Variants in C2orf80 observed in about 807,000 individuals in gnomAD.
C2orf80 encodes chromosome 2 open reading frame 80.
A neutral mutation model predicts 30.2 loss-of-function variants in C2orf80; 28 were observed. The observed-to-expected ratio is 0.93, with a 90% CI of 0.69 to 1.27. The LOEUF is 1.27. C2orf80 is among the 50% of genes most tolerant of loss of function. The probability of loss-of-function intolerance (pLI) is 0.00; values close to 1 mark genes in which losing one functional copy is unlikely to be tolerated. For missense variants in C2orf80, 220 were observed against 231.0 expected (o/e 0.95, Z 0.31); for synonymous variants, 80 against 76.4 (o/e 1.05, Z -0.24).
chr2:208,181,239 T>C lies in C2orf80; in HGVS notation c.273A>G (p.Ser91=), dbSNP rs1559343171. ...NRREREAMIL[S]SYAGILMNSI... is the part of the protein sequence containing the mutation. ...TTACCATTAAGATTCCAGCATAAGA[T>C]GATAAAATCATAGCTTCTCGTTCTC... Residue 91 remains serine (S), a synonymous_variant, in exon 5 of 9, where the codon TCA becomes TCG. Transcript: ENST00000341287. 1 of 1,608,952 alleles carries C rather than the reference T, an allele frequency of 6.2e-7. No homozygotes were observed. The highest frequency in any genetic ancestry group is 8.5e-7 in the Non-Finnish European group (1 of 1,175,470).
In C2orf80 at chr2:208,165,597, A is replaced by T. The variant is rs1304752720; in HGVS notation, c.*210T>A. On this transcript the variant is annotated 3_prime_UTR_variant, in exon 9 of 9. Transcript: ENST00000341287. ...TCTTCCAGTCACAATGAAGTAGCAT[A>T]AGGTCACAGTTTTTTTTTTTAAGAA... 2 of 512,460 alleles carry T rather than the reference A, an allele frequency of 3.9e-6. No homozygotes were observed. The highest frequency in any genetic ancestry group is 3.2e-5 in the East Asian group (1 of 31,568). 31.7% of individuals were successfully genotyped at this position (512,460 alleles called of 1,614,324 possible).
At chr2:208,174,823 T>C (rs558385987) in intron 6 of C2orf80, among the ~76,000 whole-genome samples, 1 of 152,352 alleles carries the variant, frequency 6.6e-6, no homozygotes, top group African/African-American at 2.4e-5. Flanking sequence ...GCAGAGGTTC[T>C]AGTGCTGTCT....
intron 6 of C2orf80, among the ~76,000 whole-genome samples, chr2:208,177,074 TATAG>T (rs1029559008): frequency 5.6e-5 from 8 of 144,124 alleles, no homozygotes; most frequent in African/African-American, 2.0e-4. Flanking sequence ...CATATACGTA[TATAG>T]ATAATGTATA....
chr2:208,178,859 G>C (rs1470635628), intron 6 of C2orf80, among the ~76,000 whole-genome samples: 1 of 152,100 alleles, frequency 6.6e-6, no homozygotes, highest in Non-Finnish European at 1.5e-5. Flanking sequence ...CCGGGTTCAA[G>C]AGATTATCCT....
chr2:208,171,102 T>A (rs372012801), intron 7 of C2orf80, 39 bp from the exon 8 acceptor site: 262 of 1,404,562 alleles, frequency 1.9e-4, no homozygotes, highest in Admixed American at 3.3e-4. Flanking sequence ...TATATAAAAC[T>A]TTTTTAAAAA....
chr2:208,168,343 C>T, intron 8 of C2orf80: 1 of 326,624 alleles, frequency 3.1e-6, no homozygotes, highest in South Asian at 2.4e-5. Context: ...AGTGTGTACA[C>T]TATTAAAATT....
intron 6 of C2orf80, among the ~76,000 whole-genome samples, chr2:208,172,975 C>T (rs145662882): frequency 2.0e-5 from 3 of 151,942 alleles, no homozygotes; most frequent in South Asian, 2.1e-4. Context: ...AAAAATTAAG[C>T]GAGTGTGGTA....
At chr2:208,176,908 T>TATACATAC (rs1255796562) in intron 6 of C2orf80, among the ~76,000 whole-genome samples, 12 of 55,570 alleles carry the variant, frequency 2.2e-4, no homozygotes, top group African/African-American at 3.4e-4. Flanking sequence ...TACATATCTG[T>TATACATAC]GTATACATAT....
At chr2:208,176,198 C>A (rs542514990) in intron 6 of C2orf80, among the ~76,000 whole-genome samples, 4 of 151,722 alleles carry the variant, frequency 2.6e-5, no homozygotes, top group African/African-American at 9.7e-5. Context: ...TTTTTTGAGA[C>A]GGAGTCTCCC....
chr2:208,166,214 A>G (rs1695882282), intron 8 of C2orf80, among the ~76,000 whole-genome samples: 1 of 152,184 alleles, frequency 6.6e-6, no homozygotes, highest in South Asian at 2.1e-4. Context: ...ACACAGAGGT[A>G]CATAGAGTAA....
intron 2 of C2orf80, 109 bp downstream of exon 2, chr2:208,186,837 G>A: frequency 1.0e-6 from 1 of 999,054 alleles, no homozygotes; most frequent in Non-Finnish European, 1.6e-6. Context: ...CTACCATGCA[G>A]AAATAGATTC....
At position 208,189,990 on chromosome 2, in the gene C2orf80, T is replaced by C. The variant is rs922344272; in HGVS notation, c.-113A>G. On this transcript the variant is annotated 5_prime_UTR_variant, in exon 1 of 9. Transcript: ENST00000341287. ...GGTTCCAGTGCTTTTGTTCTTTCTC[T>C]GCTTCTGGAGGCATGCTGAAGCATC... 7.1e-6 allele frequency: 5 copies of C among 702,928 alleles called. No individual in the cohort carries two copies. Among genetic ancestry groups the C allele is most frequent in the Non-Finnish European group, 1.3e-5 (5 of 385,018 alleles). The allele number at this position is 702,928 out of a possible 1,614,324, so 43.5% of individuals were successfully genotyped here.
chr2:208,173,395 C>G (rs1270046138), intron 6 of C2orf80, among the ~76,000 whole-genome samples: 1 of 152,020 alleles, frequency 6.6e-6, no homozygotes. Flanking sequence ...GAGGCCAAGG[C>G]GGGCAGATCA....
At chr2:208,176,166 G>T (rs1165890028) in intron 6 of C2orf80, among the ~76,000 whole-genome samples, 1 of 152,050 alleles carries the variant, frequency 6.6e-6, no homozygotes, top group African/African-American at 2.4e-5. Context: ...GGGGACATTT[G>T]GCAAAGTCTA....
intron 8 of C2orf80, among the ~76,000 whole-genome samples, chr2:208,166,992 A>G (rs2105887143): frequency 6.6e-6 from 1 of 152,242 alleles, no homozygotes; most frequent in South Asian, 2.1e-4. Flanking sequence ...TAACTTATTT[A>G]ATGCTTATAA....
chr2:208,174,673 A>G (rs144088190), intron 6 of C2orf80, among the ~76,000 whole-genome samples: 279 of 152,364 alleles, frequency 1.8e-3, no homozygotes, highest in Admixed American at 4.3e-3. Flanking sequence ...CCGAAGACAC[A>G]CAGCTAGCAA....
At chr2:208,167,726 A>G (rs1272281781) in intron 8 of C2orf80, among the ~76,000 whole-genome samples, 1 of 151,072 alleles carries the variant, frequency 6.6e-6, no homozygotes, top group African/African-American at 2.4e-5. Context: ...ATAGGCGTGC[A>G]CCACCACACC....
chr2:208,175,625 A>G (rs1319572734), intron 6 of C2orf80, among the ~76,000 whole-genome samples: 1 of 152,190 alleles, frequency 6.6e-6, no homozygotes, highest in Admixed American at 6.5e-5. Context: ...AGTATTCAAC[A>G]GAGTTTTAAG....
chr2:208,167,850 A>G (rs1230374949), intron 8 of C2orf80, among the ~76,000 whole-genome samples: 2 of 148,312 alleles, frequency 1.3e-5, no homozygotes, highest in Non-Finnish European at 3.0e-5. Flanking sequence ...TGCTGGAATT[A>G]TAGGCATGAG....
Sources: gnomAD v4.1 joint callset for allele counts (sites outside exome capture counted in the v4.1 genomes callset) on GRCh38, gnomAD v4.1.1 for gene constraint, MANE v1.5 for transcripts, NCBI Gene and HGNC (gene_info 2026-07-23, HGNC 2026-07-21) for gene names.